Variants in AP4S1 observed in about 807,000 individuals in gnomAD.
The protein encoded by AP4S1 is AP-4 complex subunit sigma-1.
In AP4S1, 23 loss-of-function variants were observed where a neutral mutation model predicts 19.8. That is an observed-to-expected ratio of 1.16 (90% CI 0.84 to 1.65). AP4S1 has a LOEUF of 1.65. Among genes scored for constraint, AP4S1 ranks in the 40% most tolerant of loss-of-function variants. The pLI is 0.00. For synonymous variants in AP4S1, 46 were observed against 54.1 expected (o/e 0.85, Z 0.66); for missense variants, 166 against 172.8 (o/e 0.96, Z 0.22).
chr14:31,058,527 A>ATGTG (rs140119208), intron 1 of AP4S1, among the ~76,000 whole-genome samples: 3,985 of 136,378 alleles, frequency 0.029, 64 homozygotes, highest in Non-Finnish European at 0.036. Flanking sequence ...CTGTGTGTGT[A>ATGTG]TGTGTGTGTG....
intron 1 of AP4S1, chr14:31,033,007 G>A (rs557072796): frequency 1.3e-5 from 2 of 152,296 alleles, no homozygotes; most frequent in Non-Finnish European, 2.9e-5. Context: ...GGTCACTTCA[G>A]TAAGTACTTA....
chr14:31,060,399 G>A (rs1886373095), intron 1 of AP4S1, among the ~76,000 whole-genome samples: 1 of 152,170 alleles, frequency 6.6e-6, no homozygotes, highest in Admixed American at 6.6e-5. Context: ...CAGCTCAGTT[G>A]TAAAGTGAAT....
At chr14:31,082,310 G>A (rs1277417750) in intron 5 of AP4S1, among the ~76,000 whole-genome samples, 1 of 152,134 alleles carries the variant, frequency 6.6e-6, no homozygotes. Context: ...ATATTATGGT[G>A]TATTTTCACT....
At chr14:31,068,860 C>G (rs1474120930) in intron 2 of AP4S1, among the ~76,000 whole-genome samples, 2 of 151,736 alleles carry the variant, frequency 1.3e-5, no homozygotes, top group South Asian at 2.1e-4. Context: ...AAAAATGTTC[C>G]TCAGTTCTTT....
intron 1 of AP4S1, among the ~76,000 whole-genome samples, chr14:31,039,314 T>C (rs1200085855): frequency 6.6e-6 from 1 of 151,552 alleles, no homozygotes; most frequent in East Asian, 2.0e-4. Context: ...GCCTCCCAAA[T>C]AGCTGGGATT....
At chr14:31,031,199 C>T (rs1393528369) in intron 1 of AP4S1, among the ~76,000 whole-genome samples, 1 of 152,158 alleles carries the variant, frequency 6.6e-6, no homozygotes, top group African/African-American at 2.4e-5. Context: ...CCCAGCCATG[C>T]AGAACTGTGA....
chr14:31,081,441 T>C (rs1443657591), intron 5 of AP4S1, among the ~76,000 whole-genome samples: 1 of 152,152 alleles, frequency 6.6e-6, no homozygotes, highest in Non-Finnish European at 1.5e-5. Flanking sequence ...TAAATCACAA[T>C]ACCCAAGGAC....
chr14:31,049,428 A>ATATAT (rs1555331101), intron 1 of AP4S1, among the ~76,000 whole-genome samples: 15 of 57,730 alleles, frequency 2.6e-4, no homozygotes, highest in African/African-American at 1.2e-3. Context: ...AAAAAAAAAA[A>ATATAT]ATATATATAT....
At chr14:31,056,831 C>T (rs1204237782) in intron 1 of AP4S1, among the ~76,000 whole-genome samples, 3 of 152,154 alleles carry the variant, frequency 2.0e-5, no homozygotes, top group South Asian at 4.1e-4. Context: ...AATCCTAGCA[C>T]TTAGTGAAGC....
chr14:31,047,385 C>CTTT (rs767480909), intron 1 of AP4S1, among the ~76,000 whole-genome samples: 9 of 123,358 alleles, frequency 7.3e-5, no homozygotes, highest in African/African-American at 8.9e-5. Flanking sequence ...GAGACACAAT[C>CTTT]TTTTTTTTTT....
At chr14:31,088,222 C>T (rs771288211) in intron 5 of AP4S1, among the ~76,000 whole-genome samples, 7 of 152,170 alleles carry the variant, frequency 4.6e-5, no homozygotes, top group Non-Finnish European at 7.3e-5. Flanking sequence ...TTCAGGAGCC[C>T]GCTAGGTGCC....
intron 2 of AP4S1, among the ~76,000 whole-genome samples, chr14:31,066,595 G>A (rs1464383055): frequency 1.3e-5 from 2 of 152,282 alleles, no homozygotes; most frequent in African/African-American, 2.4e-5. Context: ...CCTTGGAAAC[G>A]ACAGTAAAAT....
At chr14:31,042,822 T>A (rs1030245025) in intron 1 of AP4S1, among the ~76,000 whole-genome samples, 2 of 152,222 alleles carry the variant, frequency 1.3e-5, no homozygotes, top group Non-Finnish European at 2.9e-5. Flanking sequence ...TTATTTGGAC[T>A]TAAATTGTAT....
At chr14:31,075,405 G>A (rs1250383782) in intron 4 of AP4S1, among the ~76,000 whole-genome samples, 3 of 151,862 alleles carry the variant, frequency 2.0e-5, no homozygotes, top group East Asian at 1.9e-4. Flanking sequence ...TATATATACC[G>A]TATTTTCTTT....
At chr14:31,085,917 G>T (rs186258810) in intron 5 of AP4S1, 3 of 840,534 alleles carry the variant, frequency 3.6e-6, no homozygotes, top group Non-Finnish European at 4.3e-6. Context: ...TTCTATTGCA[G>T]TTGAGGGTGG....
chr14:31,034,885 C>T (rs1259486830), intron 1 of AP4S1, among the ~76,000 whole-genome samples: 1 of 151,990 alleles, frequency 6.6e-6, no homozygotes, highest in Non-Finnish European at 1.5e-5. Flanking sequence ...CCTTGGCCTC[C>T]CAAAGTGCTG....
chr14:31,027,162 G>A (rs542726115), intron 1 of AP4S1: 2 of 152,244 alleles, frequency 1.3e-5, no homozygotes, highest in East Asian at 3.9e-4. Context: ...GAGAAGAAGA[G>A]GTAGTGAATT....
At chr14:31,049,428 A>AAAAAAAATATATAT (rs1384450221) in intron 1 of AP4S1, among the ~76,000 whole-genome samples, 2 of 57,740 alleles carry the variant, frequency 3.5e-5, no homozygotes, top group Non-Finnish European at 5.8e-5. Flanking sequence ...AAAAAAAAAA[A>AAAAAAAATATATAT]ATATATATAT....
At chr14:31,071,342 C>T (rs1293314797) in intron 3 of AP4S1, among the ~76,000 whole-genome samples, 3 of 152,058 alleles carry the variant, frequency 2.0e-5, no homozygotes, top group Non-Finnish European at 4.4e-5. Flanking sequence ...GTGGTAAAGT[C>T]AGGAAATAGA....
Sources: allele counts gnomAD v4.1 joint callset (sites outside exome capture counted in the v4.1 genomes callset), GRCh38; gene constraint gnomAD v4.1.1; transcripts MANE v1.5; gene names NCBI Gene and HGNC (gene_info 2026-07-23, HGNC 2026-07-21).